Variants in CCBE1 observed in about 807,000 individuals in gnomAD.
The protein encoded by CCBE1 is collagen and calcium-binding EGF domain-containing protein 1.
Under a neutral mutation model 50.0 loss-of-function variants are expected in CCBE1, and 37 were observed. The observed-to-expected ratio is 0.74, with a 90% CI of 0.57 to 0.97. The LOEUF (loss-of-function observed/expected upper bound fraction) is 0.97. Among genes scored for constraint, CCBE1 ranks in the 50% least tolerant of loss-of-function variants. CCBE1 has a pLI of 0.00. For synonymous variants in CCBE1, 234 were observed against 203.7 expected (o/e 1.15, Z -1.27); for missense variants, 538 against 523.8 (o/e 1.03, Z -0.26).
chr18:59,615,129 G>A (rs1035116606), intron 2 of CCBE1, among the ~76,000 whole-genome samples: 6 of 152,174 alleles, frequency 3.9e-5, no homozygotes, highest in African/African-American at 1.4e-4. Context: ...TCTTGATTAG[G>A]AGACTAACCA....
chr18:59,517,536 G>T (rs1441238640), intron 2 of CCBE1, among the ~76,000 whole-genome samples: 1 of 152,348 alleles, frequency 6.6e-6, no homozygotes, highest in East Asian at 1.9e-4. Context: ...TTAAGCCAGA[G>T]CTCACTGACT....
intron 2 of CCBE1, among the ~76,000 whole-genome samples, chr18:59,492,231 A>G (rs1913144803): frequency 6.6e-6 from 1 of 151,332 alleles, no homozygotes; most frequent in African/African-American, 2.4e-5. Context: ...ATTTTAAAAT[A>G]TTGCCTTCTA....
Position 59,696,789 on chromosome 18 carries a change from G to C in CCBE1, c.132-80C>G, listed in dbSNP as rs149271349. ...CAGCGCGCGCTGGGGAATCCCTGGC[G>C]CGTGGGGATCGCCAGGCTCCCCGTC... On this transcript the variant is annotated intron_variant, in intron 1 of 10. Transcript: ENST00000439986. 3,370 of 1,467,782 alleles carry C rather than the reference G, an allele frequency of 2.3e-3. 66 individuals are homozygous for C. The African/African-American group carries it at 0.042, about 18-fold the overall frequency. 90.9% of individuals were successfully genotyped at this position (1,467,782 alleles called of 1,614,324 possible). A position where few individuals can be genotyped will look rare whatever the true frequency, so the allele number is the denominator to read the frequency against.
At chr18:59,641,217 A>T (rs114601095) in intron 2 of CCBE1, among the ~76,000 whole-genome samples, 2,351 of 137,872 alleles carry the variant, frequency 0.017, 33 homozygotes, top group Middle Eastern at 0.056. Flanking sequence ...ACTGAATGCC[A>T]ATCAACATTA....
intron 2 of CCBE1, among the ~76,000 whole-genome samples, chr18:59,587,172 A>C (rs1019064777): frequency 6.6e-6 from 1 of 152,246 alleles, no homozygotes. Flanking sequence ...GTACTTCCCA[A>C]ATTGCTTTAT....
At chr18:59,613,835 G>T (rs2053602106) in intron 2 of CCBE1, among the ~76,000 whole-genome samples, 1 of 141,694 alleles carries the variant, frequency 7.1e-6, no homozygotes, top group African/African-American at 2.7e-5. Context: ...TTTTAAAATT[G>T]AAGCACAAAG....
intron 2 of CCBE1, among the ~76,000 whole-genome samples, chr18:59,675,353 G>A (rs2054486946): frequency 6.6e-6 from 1 of 152,176 alleles, no homozygotes; most frequent in African/African-American, 2.4e-5. Flanking sequence ...GGTATGATTG[G>A]TATGGTCAAT....
chr18:59,605,439 T>C (rs970260579), intron 2 of CCBE1, among the ~76,000 whole-genome samples: 1 of 152,194 alleles, frequency 6.6e-6, no homozygotes. Flanking sequence ...CATCTCACCC[T>C]ACCAGGAGAA....
chr18:59,472,408 C>T (rs138339248), intron 3 of CCBE1, among the ~76,000 whole-genome samples: 2,900 of 152,290 alleles, frequency 0.019, 79 homozygotes, highest in African/African-American at 0.065. Flanking sequence ...TGTTTCTGGA[C>T]AATTCAATCT....
intron 2 of CCBE1, among the ~76,000 whole-genome samples, chr18:59,595,475 A>G (rs2144547008): frequency 6.6e-6 from 1 of 152,204 alleles, no homozygotes; most frequent in South Asian, 2.1e-4. Context: ...ATCCAAGAAA[A>G]CTGCTTGGTA....
chr18:59,449,003 AAT>A (rs536688021), intron 6 of CCBE1, among the ~76,000 whole-genome samples: 2 of 152,304 alleles, frequency 1.3e-5, no homozygotes, highest in African/African-American at 4.8e-5. Context: ...GAGTGAGGGA[AAT>A]GTATCAGTAA....
intron 2 of CCBE1, among the ~76,000 whole-genome samples, chr18:59,690,293 A>C (rs1267940502): frequency 6.6e-6 from 1 of 152,250 alleles, no homozygotes; most frequent in African/African-American, 2.4e-5. Context: ...CTTCGCAGAA[A>C]AAAAGGACCT....
At chr18:59,644,699 C>G (rs1204240136) in intron 2 of CCBE1, among the ~76,000 whole-genome samples, 1 of 151,992 alleles carries the variant, frequency 6.6e-6, no homozygotes, top group Non-Finnish European at 1.5e-5. Flanking sequence ...TACACATGCC[C>G]CCTAATACCT....
At chr18:59,644,991 C>T (rs921790579) in intron 2 of CCBE1, among the ~76,000 whole-genome samples, 1 of 152,222 alleles carries the variant, frequency 6.6e-6, no homozygotes, top group African/African-American at 2.4e-5. Flanking sequence ...TGCAGTGGCT[C>T]ACACCTGTAA....
chr18:59,622,343 A>T (rs555120052), intron 2 of CCBE1, among the ~76,000 whole-genome samples: 73 of 152,230 alleles, frequency 4.8e-4, no homozygotes, highest in Middle Eastern at 3.4e-3. Flanking sequence ...CAAAAATACA[A>T]AAGTTAGCTG....
Position 59,491,995 on chromosome 18 carries a change from T to C in CCBE1, c.213-11757A>G, listed in dbSNP as rs1224623660. Among the ~76,000 whole-genome samples, 3 of 143,968 alleles carry C rather than the reference T, an allele frequency of 2.1e-5. No individual in the cohort carries two copies. The East Asian group carries it at 6.3e-4, about 30-fold the overall frequency. 94.4% of individuals were successfully genotyped at this position (143,968 alleles called of 152,430 possible). ...ACCCTGTCTCTACTAAAATACAAAATTTAGCCAGGTATGGTGGCATGTGCC... is the reference window on the plus strand; with the variant it reads ...ACCCTGTCTCTACTAAAATACAAAACTTAGCCAGGTATGGTGGCATGTGCC... On this transcript the variant is annotated intron_variant, in intron 2 of 10. Transcript: ENST00000439986.
intron 3 of CCBE1, among the ~76,000 whole-genome samples, chr18:59,478,403 A>G (rs952350343): frequency 1.3e-5 from 2 of 152,248 alleles, no homozygotes; most frequent in African/African-American, 4.8e-5. Flanking sequence ...GACTAAAGAT[A>G]TCTTTAGTAA....
At chr18:59,579,644 G>A (rs937589419) in intron 2 of CCBE1, among the ~76,000 whole-genome samples, 7 of 152,188 alleles carry the variant, frequency 4.6e-5, no homozygotes, top group African/African-American at 1.4e-4. Flanking sequence ...GCCCTCGGCG[G>A]TTCCTACATG....
chr18:59,588,708 C>T (rs1463341556), intron 2 of CCBE1, among the ~76,000 whole-genome samples: 4 of 152,178 alleles, frequency 2.6e-5, no homozygotes, highest in African/African-American at 9.6e-5. Flanking sequence ...TACAGCTCTT[C>T]TGGCATCTGG....
Sources: allele counts gnomAD v4.1 joint callset (sites outside exome capture counted in the v4.1 genomes callset), GRCh38; gene constraint gnomAD v4.1.1; transcripts MANE v1.5; gene names NCBI Gene and HGNC (gene_info 2026-07-23, HGNC 2026-07-21).